Variants in RPS6KA2 observed in about 807,000 individuals in gnomAD.
The protein encoded by RPS6KA2 is ribosomal protein S6 kinase alpha-2.
Under a neutral mutation model 91.8 loss-of-function variants are expected in RPS6KA2, and 42 were observed. That is an observed-to-expected ratio of 0.46 (90% CI 0.36 to 0.59). RPS6KA2 has a LOEUF of 0.59. Among genes scored for constraint, RPS6KA2 ranks in the 20% least tolerant of loss-of-function variants. The pLI is 0.00. For missense variants in RPS6KA2, 798 were observed against 978.5 expected, an observed-to-expected ratio of 0.82 and a Z score of 2.46; for synonymous variants, 414 against 393.6, an observed-to-expected ratio of 1.05 and a Z score of -0.61.
chr6:166,627,652 C>T (rs1415560107), upstream of RPS6KA2: 3 of 152,258 alleles, frequency 2.0e-5, no homozygotes, highest in Admixed American at 2.0e-4. Flanking sequence ...AGCCTCGGCC[C>T]GGGACAGCTC....
At chr6:166,476,167 C>T (rs549396958) in intron 10 of RPS6KA2, among the ~76,000 whole-genome samples, 7 of 152,284 alleles carry the variant, frequency 4.6e-5, no homozygotes, top group Non-Finnish European at 7.4e-5. Flanking sequence ...GAGATGGAGG[C>T]GGAGGTCAGG....
chr6:166,665,020 G>A lies in RPS6KA2; in HGVS notation c.124-126236C>T, dbSNP rs1388485676. Among the ~76,000 whole-genome samples the A allele has an allele frequency of 1.3e-5, 2 of 152,182 alleles. No individual in the cohort carries two copies. The highest frequency in any genetic ancestry group is 4.8e-5 in the African/African-American group (2 of 41,452). Reference sequence around the variant, plus strand: ...AGTACTTTGAGAGGCTGAGGCAAGAGGATTGCTTGAGCCCAGAAGTTGGAG... The same window carrying A: ...AGTACTTTGAGAGGCTGAGGCAAGAAGATTGCTTGAGCCCAGAAGTTGGAG... On this transcript the variant is annotated intron_variant, in intron 2 of 21. Coordinates refer to the RPS6KA2 transcript ENST00000503859. The surrounding 1 kb of genome is among the most constrained non-coding windows in gnomAD (Gnocchi z 4.5).
At chr6:166,572,913 C>A (rs1339604689) in intron 1 of RPS6KA2, among the ~76,000 whole-genome samples, 3 of 152,254 alleles carry the variant, frequency 2.0e-5, no homozygotes, top group African/African-American at 4.8e-5. Flanking sequence ...AGGGGAAATG[C>A]AGGAATGCAG....
intron 2 of RPS6KA2, among the ~76,000 whole-genome samples, chr6:166,819,999 G>A (rs1779864950): frequency 1.3e-5 from 2 of 152,130 alleles, no homozygotes; most frequent in South Asian, 2.1e-4. Flanking sequence ...TGTCAACAAA[G>A]CCTGGAATCA....
At chr6:166,588,272 C>G (rs1785245102) in intron 1 of RPS6KA2, among the ~76,000 whole-genome samples, 1 of 152,210 alleles carries the variant, frequency 6.6e-6, no homozygotes, top group African/African-American at 2.4e-5. Flanking sequence ...AGAATCAAAT[C>G]TCTGCAAAGA....
chr6:166,793,863 T>A (rs1779157743), intron 2 of RPS6KA2, among the ~76,000 whole-genome samples: 2 of 151,642 alleles, frequency 1.3e-5, no homozygotes, highest in East Asian at 3.9e-4. Context: ...TCAAGACGGA[T>A]TAAAGACTTA....
rs923737910 is a variant in RPS6KA2 at position 166,821,913 on chromosome 6, T to C, written c.123+36287A>G. Among the ~76,000 whole-genome samples, 1 of 152,152 alleles carries C rather than the reference T, an allele frequency of 6.6e-6. No individual in the cohort carries two copies. Among genetic ancestry groups the C allele is most frequent in the Non-Finnish European group, 1.5e-5 (1 of 68,024 alleles). Reference sequence around the variant, plus strand: ...CTTCTCAGTTAACGGCACACTCAGATGTTCAGGTTCAACACTGGGCACCAT... The same window carrying C: ...CTTCTCAGTTAACGGCACACTCAGACGTTCAGGTTCAACACTGGGCACCAT... On this transcript the variant is annotated intron_variant, in intron 2 of 21. Coordinates refer to the RPS6KA2 transcript ENST00000503859. The surrounding 1 kb of genome is among the most constrained non-coding windows in gnomAD (Gnocchi z 4.1).
In RPS6KA2 at chr6:166,626,614, C is replaced by G. The variant is rs950629138; in HGVS notation, c.99+307G>C. On this transcript the variant is annotated intron_variant, in intron 1 of 20. Transcript: ENST00000265678. This position sits in a 1 kb window ranked among gnomAD's most constrained non-coding sequence, Gnocchi z 4.1. ...TAGCTGCAGAGAAAGCCCCTCCTCA[C>G]CCGGGGCTCCCTGTGGCCCACAGGG... Among the ~76,000 whole-genome samples, 1 of 152,210 alleles carries G rather than the reference C, an allele frequency of 6.6e-6. No homozygotes were observed. Among genetic ancestry groups the G allele is most frequent in the African/African-American group, 2.4e-5 (1 of 41,474 alleles).
intron 5 of RPS6KA2, 122 bp from the exon 6 acceptor site, chr6:166,504,734 A>T: frequency 1.6e-6 from 1 of 641,516 alleles, no homozygotes; most frequent in Non-Finnish European, 2.7e-6. Context: ...GCTCTGTGGA[A>T]CGCTATGGCC....
intron 2 of RPS6KA2, among the ~76,000 whole-genome samples, chr6:166,727,880 C>T (rs923627699): frequency 6.8e-6 from 1 of 146,590 alleles, no homozygotes; most frequent in Non-Finnish European, 1.5e-5. Context: ...CTTCAGGAGC[C>T]GAGCACCAGT....
intron 13 of RPS6KA2, among the ~76,000 whole-genome samples, chr6:166,450,077 T>A (rs28491147): frequency 6.9e-6 from 1 of 144,656 alleles, no homozygotes; most frequent in East Asian, 2.1e-4. Flanking sequence ...GAGACCATCA[T>A]GGGTACCACC....
At chr6:166,802,638 G>A (rs1779396940) in intron 2 of RPS6KA2, among the ~76,000 whole-genome samples, 2 of 152,176 alleles carry the variant, frequency 1.3e-5, no homozygotes. Context: ...GGACTGTGAT[G>A]GGCTCCCCCA....
intron 1 of RPS6KA2, among the ~76,000 whole-genome samples, chr6:166,566,658 C>T (rs1352303462): frequency 6.6e-6 from 1 of 152,218 alleles, no homozygotes; most frequent in Admixed American, 6.5e-5. Context: ...ACCTCCCCAC[C>T]CTTGCCTGGA....
chr6:166,787,477 C>T (rs1198055366), intron 2 of RPS6KA2, among the ~76,000 whole-genome samples: 1 of 151,432 alleles, frequency 6.6e-6, no homozygotes, highest in East Asian at 1.9e-4. Context: ...TGTGGGAGTA[C>T]AGATATAGAA....
At chr6:166,822,510 A>G (rs1014388548) in intron 2 of RPS6KA2, among the ~76,000 whole-genome samples, 45 of 152,300 alleles carry the variant, frequency 3.0e-4, no homozygotes, top group African/African-American at 9.9e-4. Context: ...CCGGAGCTAC[A>G]AGGAAGTAAC....
intron 1 of RPS6KA2, among the ~76,000 whole-genome samples, chr6:166,585,069 G>C (rs1408581882): frequency 6.9e-6 from 1 of 145,316 alleles, no homozygotes; most frequent in African/African-American, 2.9e-5. Context: ...GAGCACACGT[G>C]TGGTGACGAT....
At chr6:166,757,228 C>T (rs1222047656) in intron 2 of RPS6KA2, among the ~76,000 whole-genome samples, 4 of 152,268 alleles carry the variant, frequency 2.6e-5, no homozygotes, top group African/African-American at 4.8e-5. Flanking sequence ...AGAAAAATTA[C>T]GGACACCCTT....
At chr6:166,539,108 C>T (rs1244290965) in intron 1 of RPS6KA2, among the ~76,000 whole-genome samples, 1 of 152,050 alleles carries the variant, frequency 6.6e-6, no homozygotes, top group Non-Finnish European at 1.5e-5. Context: ...TTAATAGAGA[C>T]GAGATTTCAC....
intron 1 of RPS6KA2, among the ~76,000 whole-genome samples, chr6:166,597,740 A>G (rs1273776417): frequency 6.6e-6 from 1 of 152,214 alleles, no homozygotes; most frequent in East Asian, 1.9e-4. Context: ...ACCATTTCAT[A>G]TTATTAAACA....
Sources: gnomAD v4.1 joint callset for allele counts (sites outside exome capture counted in the v4.1 genomes callset) on GRCh38, gnomAD v4.1.1 for gene constraint, Gnocchi (gnomAD v3.1) non-coding constraint, MANE v1.5 for transcripts, NCBI Gene and HGNC (gene_info 2026-07-23, HGNC 2026-07-21) for gene names.